SOBP: variants seen among roughly 807,000 people sequenced by gnomAD.
SOBP encodes the protein sine oculis-binding protein homolog.
SOBP carries 4 observed loss-of-function variants against 53.6 expected under a neutral mutation model. That is an observed-to-expected ratio of 0.07 (90% CI 0.04 to 0.17). SOBP has a LOEUF of 0.17. Among genes scored for constraint, SOBP ranks in the 10% least tolerant of loss-of-function variants. SOBP has a pLI of 1.00. For synonymous variants in SOBP, 584 were observed against 522.6 expected, an observed-to-expected ratio of 1.12 and a Z score of -1.60; for missense variants, 1,088 against 1,204.7, an observed-to-expected ratio of 0.90 and a Z score of 1.43.
intron 6 of SOBP, among the ~76,000 whole-genome samples, chr6:107,655,009 A>G (rs1213424939): frequency 1.3e-5 from 2 of 151,640 alleles, no homozygotes; most frequent in Non-Finnish European, 2.9e-5. Flanking sequence ...GGTGGCTGAG[A>G]AACAGGTCCA....
intron 4 of SOBP, among the ~76,000 whole-genome samples, chr6:107,555,572 G>A (rs964491397): frequency 3.3e-5 from 5 of 152,206 alleles, no homozygotes; most frequent in African/African-American, 1.2e-4. Flanking sequence ...GCCCAGCAGG[G>A]CACCTTCCAA....
At chr6:107,630,792 C>T (rs900802744) in intron 5 of SOBP, among the ~76,000 whole-genome samples, 9 of 149,220 alleles carry the variant, frequency 6.0e-5, no homozygotes, top group Admixed American at 2.7e-4. Flanking sequence ...CTCACGTTAC[C>T]GAAAACAAGA....
intron 3 of SOBP, among the ~76,000 whole-genome samples, chr6:107,528,053 T>C (rs773497700): frequency 1.3e-5 from 2 of 152,224 alleles, no homozygotes; most frequent in Non-Finnish European, 2.9e-5. Flanking sequence ...TCTTTGCCTC[T>C]CTACCTTTCT....
chr6:107,493,284 A>C (rs1282893091), intron 1 of SOBP, among the ~76,000 whole-genome samples: 1 of 152,148 alleles, frequency 6.6e-6, no homozygotes, highest in African/African-American at 2.4e-5. Flanking sequence ...CATCTGGACC[A>C]GTGTAAACTA....
At chr6:107,563,213 C>T (rs770082191) in intron 4 of SOBP, among the ~76,000 whole-genome samples, 27 of 152,088 alleles carry the variant, frequency 1.8e-4, no homozygotes, top group African/African-American at 2.4e-4. Context: ...GCCATTATTA[C>T]ACCAGTGCAC....
chr6:107,523,942 A>G (rs1052852588), intron 3 of SOBP, among the ~76,000 whole-genome samples: 15 of 152,234 alleles, frequency 9.9e-5, no homozygotes, highest in African/African-American at 3.4e-4. Context: ...CCCATCATAC[A>G]GTGCCTGGCA....
At chr6:107,627,702 A>G (rs967982837) in intron 5 of SOBP, among the ~76,000 whole-genome samples, 24 of 152,260 alleles carry the variant, frequency 1.6e-4, no homozygotes, top group African/African-American at 5.3e-4. Context: ...GCATGTTGGA[A>G]TCTAAACCTG....
intron 4 of SOBP, among the ~76,000 whole-genome samples, chr6:107,586,082 C>T (rs1252756639): frequency 6.6e-6 from 1 of 152,212 alleles, no homozygotes; most frequent in Non-Finnish European, 1.5e-5. Context: ...CCCTGTGTTT[C>T]TCTCCTTTTT....
chr6:107,565,407 G>A (rs938009168), intron 4 of SOBP, among the ~76,000 whole-genome samples: 10 of 151,762 alleles, frequency 6.6e-5, no homozygotes, highest in Admixed American at 6.6e-5. Flanking sequence ...AGAGTTCTAC[G>A]TTGCTCCACC....
chr6:107,587,943 A>G (rs1471378841), intron 5 of SOBP, among the ~76,000 whole-genome samples: 1 of 152,172 alleles, frequency 6.6e-6, no homozygotes, highest in Admixed American at 6.5e-5. Flanking sequence ...ATGAATTGTC[A>G]TTTATTTAGA....
At chr6:107,563,092 CAA>C (rs1784817421) in intron 4 of SOBP, among the ~76,000 whole-genome samples, 3 of 151,722 alleles carry the variant, frequency 2.0e-5, no homozygotes, top group Admixed American at 2.0e-4. Flanking sequence ...CCTGTCTCTA[CAA>C]AAAAATTTAA....
chr6:107,518,516 T>C (rs1394354971), intron 3 of SOBP, among the ~76,000 whole-genome samples: 1 of 152,212 alleles, frequency 6.6e-6, no homozygotes, highest in Non-Finnish European at 1.5e-5. Flanking sequence ...AATAATTCTA[T>C]CTTAGGTATG....
At chr6:107,648,291 G>A (rs1771644732) in intron 6 of SOBP, among the ~76,000 whole-genome samples, 1 of 152,156 alleles carries the variant, frequency 6.6e-6, no homozygotes, top group South Asian at 2.1e-4. Context: ...AGTCTTGAGA[G>A]TCAGGGTGGT....
intron 5 of SOBP, among the ~76,000 whole-genome samples, chr6:107,591,316 A>G (rs1785739306): frequency 6.6e-6 from 1 of 152,246 alleles, no homozygotes; most frequent in Non-Finnish European, 1.5e-5. Context: ...CTCAGTATAT[A>G]TTAGCTGCTG....
chr6:107,620,903 G>A (rs1167967171), intron 5 of SOBP, among the ~76,000 whole-genome samples: 1 of 152,172 alleles, frequency 6.6e-6, no homozygotes, highest in Non-Finnish European at 1.5e-5. Context: ...AGGGTCAGAT[G>A]GCAGTACAGT....
At chr6:107,563,301 G>A (rs1030420715) in intron 4 of SOBP, among the ~76,000 whole-genome samples, 3 of 152,058 alleles carry the variant, frequency 2.0e-5, no homozygotes, top group Admixed American at 6.6e-5. Context: ...GGAGTTTGAT[G>A]GGTCAAAATA....
intron 4 of SOBP, among the ~76,000 whole-genome samples, chr6:107,534,688 GGCTGCAGAATTCA>G (rs1490749357): frequency 2.0e-5 from 3 of 152,178 alleles, no homozygotes; most frequent in African/African-American, 7.2e-5. Flanking sequence ...AAAAGAATTA[GGCTGCAGAATTCA>G]GCAGGGTGGA....
intron 4 of SOBP, among the ~76,000 whole-genome samples, chr6:107,560,695 C>T (rs1339820706): frequency 6.6e-6 from 1 of 152,148 alleles, no homozygotes; most frequent in African/African-American, 2.4e-5. Flanking sequence ...GGGGAGGCAA[C>T]TGAGACTCAG....
chr6:107,586,596 A>G (rs1206603438), intron 4 of SOBP, among the ~76,000 whole-genome samples: 1 of 151,978 alleles, frequency 6.6e-6, no homozygotes, highest in African/African-American at 2.4e-5. Context: ...ATCTTTATTT[A>G]AAAATGGAGG....
Sources: allele counts gnomAD v4.1 joint callset (sites outside exome capture counted in the v4.1 genomes callset), GRCh38; gene constraint gnomAD v4.1.1; transcripts MANE v1.5; gene names NCBI Gene and HGNC (gene_info 2026-07-23, HGNC 2026-07-21).